The following SLC71A1 variants were observed in gnomAD, a reference collection of about 807,000 sequenced individuals.
The protein encoded by SLC71A1 is solute carrier family 71 member 1.
chr1:100,065,714 T>G, the SLC71A1 span, among the ~76,000 whole-genome samples: 1 of 130,726 alleles, frequency 7.6e-6, no homozygotes, highest in Admixed American at 7.3e-5. Context: ...CTAAGCCTTT[T>G]CCCTTTTTTA....
chr1:100,058,986 T>G, the SLC71A1 span, among the ~76,000 whole-genome samples: 1 of 151,990 alleles, frequency 6.6e-6, no homozygotes, highest in South Asian at 2.1e-4. Flanking sequence ...GATTCCCTGT[T>G]TTTATGTTGG....
At chr1:100,068,648 T>C in the SLC71A1 span, 4 of 971,860 alleles carry the variant, frequency 4.1e-6, no homozygotes, top group Admixed American at 2.0e-5. Flanking sequence ...AATAAAAATA[T>C]TTAATCTTGA....
chr1:100,054,848 T>C, the SLC71A1 span, among the ~76,000 whole-genome samples: 4 of 152,188 alleles, frequency 2.6e-5, no homozygotes, highest in East Asian at 7.7e-4. Context: ...GTTATATTTG[T>C]CTGTTAAAAT....
At chr1:100,078,648 T>C in the SLC71A1 span, 1 of 811,452 alleles carries the variant, frequency 1.2e-6, no homozygotes, top group Non-Finnish European at 2.0e-6. Context: ...ATCTTCAGGG[T>C]AGAGACTTTT....
chr1:100,080,678 G>T, the SLC71A1 span: 2 of 1,605,934 alleles, frequency 1.2e-6, no homozygotes, highest in South Asian at 1.1e-5. Context: ...CATTCAACAT[G>T]ATCAAATTGT....
chr1:100,067,889 G>A, the SLC71A1 span: 1 of 1,023,456 alleles, frequency 9.8e-7, no homozygotes, highest in Non-Finnish European at 1.5e-6. Flanking sequence ...CAGAAGGCCT[G>A]ACATAAATCA....
chr1:100,046,472 C>T, the SLC71A1 span, among the ~76,000 whole-genome samples: 10 of 152,056 alleles, frequency 6.6e-5, no homozygotes, highest in Admixed American at 2.0e-4. Context: ...GTGATCCGCC[C>T]GCCTTGGCCT....
the SLC71A1 span, among the ~76,000 whole-genome samples, chr1:100,067,804 A>G: frequency 2.6e-5 from 4 of 152,106 alleles, no homozygotes; most frequent in African/African-American, 9.7e-5. Flanking sequence ...AGCAAGACCC[A>G]GTTCCCCCAC....
chr1:100,038,474 C>G, the SLC71A1 span, among the ~76,000 whole-genome samples: 1 of 152,182 alleles, frequency 6.6e-6, no homozygotes, highest in Non-Finnish European at 1.5e-5. Flanking sequence ...CCGCATGCCG[C>G]CGCTCCGGGA....
chr1:100,063,199 T>C, the SLC71A1 span, among the ~76,000 whole-genome samples: 7 of 152,152 alleles, frequency 4.6e-5, no homozygotes, highest in African/African-American at 9.7e-5. Flanking sequence ...TATTTTCCCA[T>C]AGCCAAAGTT....
At chr1:100,054,391 C>A in the SLC71A1 span, among the ~76,000 whole-genome samples, 12 of 151,816 alleles carry the variant, frequency 7.9e-5, no homozygotes, top group Non-Finnish European at 1.5e-4. Context: ...TTTTTTATTT[C>A]TAGTAGAGGC....
the SLC71A1 span, chr1:100,062,128 G>C: frequency 6.2e-6 from 3 of 484,568 alleles, no homozygotes; most frequent in Non-Finnish European, 1.1e-5. Flanking sequence ...GGCTATGTAA[G>C]TTTTGATTCT....
chr1:100,041,103 C>G, the SLC71A1 span, among the ~76,000 whole-genome samples: 1 of 152,104 alleles, frequency 6.6e-6, no homozygotes, highest in Non-Finnish European at 1.5e-5. Flanking sequence ...TATTTATAAA[C>G]AAAACTAGTA....
chr1:100,060,688 C>T, the SLC71A1 span, among the ~76,000 whole-genome samples: 1 of 151,890 alleles, frequency 6.6e-6, no homozygotes. Context: ...GGTCAGATTT[C>T]AGGGATATGC....
the SLC71A1 span, among the ~76,000 whole-genome samples, chr1:100,067,352 C>T: frequency 6.6e-6 from 1 of 152,174 alleles, no homozygotes; most frequent in Non-Finnish European, 1.5e-5. Flanking sequence ...CAAAGGAATT[C>T]TGCCACCTCA....
At chr1:100,061,916 C>T in the SLC71A1 span, 46 of 1,612,294 alleles carry the variant, frequency 2.9e-5, no homozygotes, top group Non-Finnish European at 3.8e-5. Flanking sequence ...CAGATATAAC[C>T]CAAGAGCATG....
chr1:100,071,545 T>C, the SLC71A1 span, among the ~76,000 whole-genome samples: 1 of 152,178 alleles, frequency 6.6e-6, no homozygotes, highest in African/African-American at 2.4e-5. Flanking sequence ...AACCCAACCT[T>C]GCAATAGATG....
chr1:100,050,621 C>T, the SLC71A1 span, among the ~76,000 whole-genome samples: 3 of 152,006 alleles, frequency 2.0e-5, no homozygotes, highest in Non-Finnish European at 2.9e-5. Context: ...TACAGTTTAC[C>T]AAATCCTAGA....
the SLC71A1 span, chr1:100,059,891 T>A: frequency 6.2e-7 from 1 of 1,609,656 alleles, no homozygotes; most frequent in South Asian, 1.1e-5. Flanking sequence ...TTGTTGTCAT[T>A]CCTTAGTGCC....
Sources: gnomAD v4.1 joint callset for allele counts (sites outside exome capture counted in the v4.1 genomes callset) on GRCh38, gnomAD v4.1.1 for gene constraint, MANE v1.5 for transcripts, NCBI Gene and HGNC (gene_info 2026-07-23, HGNC 2026-07-21) for gene names.